The following HMG20A variants were observed in gnomAD, a reference collection of about 807,000 sequenced individuals.
The protein encoded by HMG20A is high mobility group 20A, also known as high mobility group protein 20A.
In HMG20A, 17 loss-of-function variants were observed where a neutral mutation model predicts 43.9. The ratio of observed to expected loss-of-function variants is 0.39; its 90% confidence interval spans 0.27 to 0.58. The LOEUF (loss-of-function observed/expected upper bound fraction) is 0.58. Ranked by LOEUF, HMG20A falls within the 20% of genes least tolerant of loss-of-function variation. The pLI, the probability that HMG20A is intolerant of heterozygous loss-of-function variation, is 0.59. For synonymous variants in HMG20A, 132 were observed against 147.5 expected (o/e 0.89, Z 0.76); for missense variants, 341 against 438.2 (o/e 0.78, Z 1.98).
chr15:77,498,251 T>C, the HMG20A span, among the ~76,000 whole-genome samples: 1 of 152,174 alleles, frequency 6.6e-6, no homozygotes, highest in Non-Finnish European at 1.5e-5. Context: ...CGGCACTTTC[T>C]TCTCCCTGCG....
Position 77,483,716 on chromosome 15 carries a change from G to A in HMG20A, c.*753G>A, listed in dbSNP as rs1306386091. ...TACTGCCTGCTGTTTTCTAAGCATT[G>A]CTCCTGCACAGACATGGAGTCCCAG... On this transcript the variant is annotated 3_prime_UTR_variant, in exon 10 of 10. Coordinates refer to ENST00000336216, the MANE Select transcript of HMG20A (RefSeq NM_001304504.2). 6.5e-6 allele frequency: 1 copy of A among 152,682 alleles called. No individual in the cohort carries two copies. Among genetic ancestry groups the A allele is most frequent in the Non-Finnish European group, 1.5e-5 (1 of 68,084 alleles). 9.5% of individuals were successfully genotyped at this position (152,682 alleles called of 1,614,324 possible).
chr15:77,453,227 T>C (rs1013993238), intron 1 of HMG20A, among the ~76,000 whole-genome samples: 4 of 152,004 alleles, frequency 2.6e-5, no homozygotes, highest in African/African-American at 4.8e-5. Flanking sequence ...TGATACTCTA[T>C]CTAAAAAATA....
At chr15:77,423,889 G>T (rs1354429953) in intron 1 of HMG20A, among the ~76,000 whole-genome samples, 1 of 152,106 alleles carries the variant, frequency 6.6e-6, no homozygotes, top group Non-Finnish European at 1.5e-5. Flanking sequence ...CTGCTTTGCT[G>T]TCTCTATTTC....
chr15:77,511,826 A>C, the HMG20A span, among the ~76,000 whole-genome samples: 1 of 152,244 alleles, frequency 6.6e-6, no homozygotes, highest in African/African-American at 2.4e-5. Flanking sequence ...AAAATAGTGC[A>C]GTTGCTGTGG....
chr15:77,481,405 A>G (rs182553644), intron 9 of HMG20A, among the ~76,000 whole-genome samples: 231 of 152,354 alleles, frequency 1.5e-3, no homozygotes, highest in African/African-American at 5.2e-3. Flanking sequence ...AGTGTTTTCA[A>G]TTAGCACTCT....
intron 1 of HMG20A, among the ~76,000 whole-genome samples, chr15:77,436,833 A>G (rs187320212): frequency 7.2e-5 from 11 of 152,262 alleles, no homozygotes; most frequent in African/African-American, 2.6e-4. Flanking sequence ...ATGTCACATC[A>G]TGCCCCTCCT....
chr15:77,517,375 T>C, the HMG20A span, among the ~76,000 whole-genome samples: 5 of 152,186 alleles, frequency 3.3e-5, no homozygotes, highest in Admixed American at 3.3e-4. Context: ...TGAATGCTTG[T>C]TGAATGGATG....
intron 1 of HMG20A, among the ~76,000 whole-genome samples, chr15:77,445,226 T>G (rs2073659949): frequency 6.6e-6 from 1 of 152,212 alleles, no homozygotes; most frequent in African/African-American, 2.4e-5. Flanking sequence ...TCTTTCTACC[T>G]CCTCTCTTCA....
intron 1 of HMG20A, among the ~76,000 whole-genome samples, chr15:77,435,997 C>G (rs1246130023): frequency 6.6e-6 from 1 of 152,184 alleles, no homozygotes; most frequent in Non-Finnish European, 1.5e-5. Flanking sequence ...TACATTCATG[C>G]TTTAAAATAC....
At chr15:77,453,072 AC>A (rs1254854888) in intron 1 of HMG20A, among the ~76,000 whole-genome samples, 1 of 152,194 alleles carries the variant, frequency 6.6e-6, no homozygotes, top group Non-Finnish European at 1.5e-5. Flanking sequence ...TACTAAAAAT[AC>A]AAAAATTAGC....
intron 8 of HMG20A, among the ~76,000 whole-genome samples, chr15:77,478,813 TTTC>T (rs1335969300): frequency 2.0e-5 from 3 of 152,206 alleles, no homozygotes; most frequent in African/African-American, 4.8e-5. Context: ...CTTGAGAGTG[TTTC>T]TTCTTATGTA....
chr15:77,429,290 C>T (rs557945361), intron 1 of HMG20A, among the ~76,000 whole-genome samples: 49 of 152,114 alleles, frequency 3.2e-4, no homozygotes, highest in African/African-American at 1.1e-3. Context: ...CTAGTGAGCT[C>T]ATGCAATTCT....
the HMG20A span, among the ~76,000 whole-genome samples, chr15:77,499,319 G>C: frequency 6.6e-6 from 1 of 152,052 alleles, no homozygotes; most frequent in African/African-American, 2.4e-5. Flanking sequence ...GCTCCCTCAG[G>C]GCTTCTCCAT....
the HMG20A span, among the ~76,000 whole-genome samples, chr15:77,510,519 G>C: frequency 6.6e-6 from 1 of 152,216 alleles, no homozygotes; most frequent in East Asian, 1.9e-4. Flanking sequence ...AAGAGCTTCT[G>C]CATGAGTTGA....
At chr15:77,451,370 T>C (rs2072600337) in intron 1 of HMG20A, among the ~76,000 whole-genome samples, 1 of 152,248 alleles carries the variant, frequency 6.6e-6, no homozygotes, top group African/African-American at 2.4e-5. Flanking sequence ...TACTGTTTTG[T>C]ATCCCCACAT....
intron 3 of HMG20A, among the ~76,000 whole-genome samples, 177 bp from the exon 4 acceptor site, chr15:77,466,918 G>T (rs1275979772): frequency 2.0e-5 from 3 of 152,208 alleles, no homozygotes; most frequent in African/African-American, 7.2e-5. Flanking sequence ...CTCAAAAATT[G>T]CATTGCTGTC....
At chr15:77,500,783 G>A in the HMG20A span, among the ~76,000 whole-genome samples, 2 of 151,924 alleles carry the variant, frequency 1.3e-5, no homozygotes, top group Non-Finnish European at 2.9e-5. Flanking sequence ...TGGCCAGGCT[G>A]GTCTTGAACT....
chr15:77,496,403 A>G, the HMG20A span, among the ~76,000 whole-genome samples: 1 of 152,296 alleles, frequency 6.6e-6, no homozygotes, highest in East Asian at 1.9e-4. Flanking sequence ...CAGAACAGCA[A>G]CCAGGCCCCT....
chr15:77,464,266 G>A lies in HMG20A; in HGVS notation c.116G>A (p.Ser39Asn), dbSNP rs112061352. ...TTAAATCACCCAGAGGTTCCATACA[G>A]TAGTGGCGCCACATCATCCACCAAC... ...TGLNHPEVPY[S>N]SGATSSTNNP... is the part of the protein sequence containing the mutation. The change falls in exon 3 of 10, where the codon AGT becomes AAT. Residue 39 changes from serine to asparagine, a missense_variant. By Grantham distance (46) the Ser-to-Asn change is conservative (BLOSUM62 1). Transcript: ENST00000336216. 37 of 1,613,832 alleles carry A rather than the reference G, an allele frequency of 2.3e-5. No homozygotes were observed. The African/African-American group carries it at 2.8e-4, about 12-fold the overall frequency.
Sources: allele counts gnomAD v4.1 joint callset (sites outside exome capture counted in the v4.1 genomes callset), GRCh38; gene constraint gnomAD v4.1.1; transcripts MANE v1.5; gene names NCBI Gene and HGNC (gene_info 2026-07-23, HGNC 2026-07-21).